The following HACD2 variants were observed in gnomAD, a reference collection of about 807,000 sequenced individuals.
The protein encoded by HACD2 is 3-hydroxyacyl-CoA dehydratase 2, also known as very-long-chain (3R)-3-hydroxyacyl-CoA dehydratase 2.
Under a neutral mutation model 31.0 loss-of-function variants are expected in HACD2, and 15 were observed. That is an observed-to-expected ratio of 0.48 (90% CI 0.32 to 0.75). The LOEUF is 0.75. Ranked by LOEUF, HACD2 falls within the 30% of genes least tolerant of loss-of-function variation. The pLI, the probability that HACD2 is intolerant of heterozygous loss-of-function variation, is 0.03. For synonymous variants in HACD2, 115 were observed against 122.2 expected (o/e 0.94, Z 0.39); for missense variants, 283 against 313.0 (o/e 0.90, Z 0.72).
chr3:123,547,602 C>A (rs150169205), intron 3 of HACD2, among the ~76,000 whole-genome samples: 16 of 152,246 alleles, frequency 1.1e-4, no homozygotes, highest in Non-Finnish European at 1.9e-4. Flanking sequence ...ACATGCTATA[C>A]TACTACAGGT....
At chr3:123,520,052 G>A (rs2056193880) in intron 4 of HACD2, among the ~76,000 whole-genome samples, 1 of 152,172 alleles carries the variant, frequency 6.6e-6, no homozygotes, top group African/African-American at 2.4e-5. Flanking sequence ...CTTATCAGGT[G>A]AATCCATTGC....
At chr3:123,583,664 A>G (rs1576252700) in intron 1 of HACD2, among the ~76,000 whole-genome samples, 1 of 152,018 alleles carries the variant, frequency 6.6e-6, no homozygotes, top group Admixed American at 6.6e-5. Flanking sequence ...CTTCTTCGTG[A>G]AAAAAAAGCA....
intron 3 of HACD2, among the ~76,000 whole-genome samples, chr3:123,551,805 A>C (rs556101311): frequency 2.8e-4 from 43 of 152,292 alleles, no homozygotes; most frequent in African/African-American, 1.0e-3. Context: ...TAATTTGCAC[A>C]CTTTAAAACC....
intron 2 of HACD2, among the ~76,000 whole-genome samples, chr3:123,577,789 T>C (rs757073153): frequency 7.2e-5 from 11 of 152,204 alleles, no homozygotes; most frequent in Non-Finnish European, 1.2e-4. Flanking sequence ...AGATAACATC[T>C]GCCTCATCAA....
chr3:123,526,600 T>C (rs1559911203), intron 4 of HACD2, among the ~76,000 whole-genome samples: 1 of 151,980 alleles, frequency 6.6e-6, no homozygotes, highest in Non-Finnish European at 1.5e-5. Context: ...ACTCTGGTTG[T>C]AGAGAAACAA....
At chr3:123,561,853 C>T (rs1559929434) in intron 3 of HACD2, among the ~76,000 whole-genome samples, 1 of 152,052 alleles carries the variant, frequency 6.6e-6, no homozygotes, top group East Asian at 1.9e-4. Flanking sequence ...ACTCTGTCGC[C>T]CAGGCTGGAG....
intron 5 of HACD2, among the ~76,000 whole-genome samples, 192 bp downstream of exon 5, chr3:123,502,368 A>C (rs2055912885): frequency 6.6e-6 from 1 of 152,216 alleles, no homozygotes; most frequent in African/African-American, 2.4e-5. Flanking sequence ...AAAATATAAA[A>C]ACCTTAAAAC....
intron 3 of HACD2, among the ~76,000 whole-genome samples, chr3:123,555,812 AT>A (rs1238907347): frequency 7.2e-5 from 11 of 152,338 alleles, no homozygotes; most frequent in Non-Finnish European, 1.2e-4. Context: ...CTACTACCAG[AT>A]TTTAAGACTT....
At chr3:123,501,461 G>T (rs2055901276) in intron 5 of HACD2, among the ~76,000 whole-genome samples, 1 of 152,216 alleles carries the variant, frequency 6.6e-6, no homozygotes, top group Non-Finnish European at 1.5e-5. Context: ...GCCTTTGGCT[G>T]TTTGTGGCTC....
At chr3:123,565,318 C>T (rs906873093) in intron 3 of HACD2, among the ~76,000 whole-genome samples, 1 of 152,124 alleles carries the variant, frequency 6.6e-6, no homozygotes, top group Non-Finnish European at 1.5e-5. Flanking sequence ...TGAATGTCTA[C>T]GTCCCTCCAA....
chr3:123,535,555 C>A (rs1479524294), intron 3 of HACD2, among the ~76,000 whole-genome samples: 4 of 152,160 alleles, frequency 2.6e-5, no homozygotes, highest in African/African-American at 7.2e-5. Context: ...TCTCTTCCCC[C>A]AAAAGTAATA....
intron 4 of HACD2, among the ~76,000 whole-genome samples, chr3:123,503,552 T>G (rs1451747303): frequency 2.0e-5 from 3 of 152,064 alleles, no homozygotes; most frequent in Non-Finnish European, 4.4e-5. Context: ...TAGGTGATTT[T>G]TAGGAGGTAT....
At chr3:123,548,403 C>T (rs1219720147) in intron 3 of HACD2, among the ~76,000 whole-genome samples, 24 of 152,128 alleles carry the variant, frequency 1.6e-4, no homozygotes, top group Admixed American at 1.6e-3. Flanking sequence ...CTGCAGATGA[C>T]TACAGCCCTA....
chr3:123,564,772 C>T (rs2056773329), intron 3 of HACD2, among the ~76,000 whole-genome samples: 1 of 152,102 alleles, frequency 6.6e-6, no homozygotes, highest in Admixed American at 6.5e-5. Context: ...GTGCTCTGAG[C>T]ATTTTGTGCA....
chr3:123,555,995 G>T (rs2056668845), intron 3 of HACD2, among the ~76,000 whole-genome samples: 1 of 152,118 alleles, frequency 6.6e-6, no homozygotes, highest in South Asian at 2.1e-4. Context: ...ATGACTATAT[G>T]TAAAAAAATA....
intron 3 of HACD2, among the ~76,000 whole-genome samples, chr3:123,564,556 T>C (rs146593756): frequency 6.6e-6 from 1 of 152,226 alleles, no homozygotes; most frequent in Non-Finnish European, 1.5e-5. Context: ...TAGAATCCAG[T>C]AGACATTGTT....
chr3:123,506,132 AT>A (rs2055972921), intron 4 of HACD2, among the ~76,000 whole-genome samples: 1 of 152,268 alleles, frequency 6.6e-6, no homozygotes, highest in Admixed American at 6.5e-5. Context: ...GGTGAAAAAA[AT>A]GGGTAGAGGC....
chr3:123,505,868 A>G (rs1285295320), intron 4 of HACD2, among the ~76,000 whole-genome samples: 1 of 152,250 alleles, frequency 6.6e-6, no homozygotes, highest in Admixed American at 6.5e-5. Context: ...GTTCAACCTA[A>G]GAAAAACTGA....
intron 6 of HACD2, among the ~76,000 whole-genome samples, chr3:123,500,296 G>A (rs1048422013): frequency 2.0e-5 from 3 of 152,064 alleles, no homozygotes; most frequent in African/African-American, 7.2e-5. Context: ...TGCTGAGAAG[G>A]GCTGCATTTT....
Sources: gnomAD v4.1 joint callset for allele counts (sites outside exome capture counted in the v4.1 genomes callset) on GRCh38, gnomAD v4.1.1 for gene constraint, MANE v1.5 for transcripts, NCBI Gene and HGNC (gene_info 2026-07-23, HGNC 2026-07-21) for gene names.